The following SYN3 variants were observed in gnomAD, a reference collection of about 807,000 sequenced individuals.
The protein encoded by SYN3 is synapsin III.
In SYN3, 35 loss-of-function variants were observed where a neutral mutation model predicts 65.8. The ratio of observed to expected loss-of-function variants is 0.53; its 90% CI spans 0.41 to 0.70. The LOEUF is 0.70. Ranked by LOEUF, SYN3 falls within the 30% of genes least tolerant of loss-of-function variation. SYN3 has a pLI of 0.00. For missense variants in SYN3, 680 were observed against 749.0 expected (o/e 0.91, Z 1.08); for synonymous variants, 270 against 292.9 (o/e 0.92, Z 0.80).
At chr22:32,707,343 T>C (rs1451183473) in intron 6 of SYN3, among the ~76,000 whole-genome samples, 2 of 152,180 alleles carry the variant, frequency 1.3e-5, no homozygotes, top group Non-Finnish European at 2.9e-5. Flanking sequence ...CCAGGCCATA[T>C]GGAGGAAACG....
chr22:33,041,360 G>C (rs113859895), intron 1 of SYN3, among the ~76,000 whole-genome samples: 20 of 148,552 alleles, frequency 1.3e-4, no homozygotes, highest in African/African-American at 5.0e-4. Context: ...GCGCGATCTC[G>C]GCTCACTGCA....
chr22:32,962,135 T>C (rs1377589698), intron 3 of SYN3, among the ~76,000 whole-genome samples: 53 of 95,650 alleles, frequency 5.5e-4, no homozygotes, highest in African/African-American at 2.5e-3. Context: ...ATCTCTTTTT[T>C]TTTTTTTTTT....
intron 4 of SYN3, among the ~76,000 whole-genome samples, chr22:32,919,878 G>A (rs962952298): frequency 6.6e-6 from 1 of 152,112 alleles, no homozygotes; most frequent in Non-Finnish European, 1.5e-5. Context: ...TCTGTAAAAT[G>A]GGGACACATA....
At chr22:32,645,057 C>T (rs1038361044) in intron 6 of SYN3, among the ~76,000 whole-genome samples, 2 of 152,102 alleles carry the variant, frequency 1.3e-5, no homozygotes, top group Non-Finnish European at 2.9e-5. Flanking sequence ...GAGAAAACAC[C>T]AGAGGGGAGA....
intron 6 of SYN3, among the ~76,000 whole-genome samples, chr22:32,822,541 T>G (rs1435359036): frequency 6.6e-6 from 1 of 152,252 alleles, no homozygotes; most frequent in South Asian, 2.1e-4. Context: ...GCAATCTTAC[T>G]TCTAGAAATT....
At position 32,685,881 on chromosome 22, in the gene SYN3, A is replaced by G. The variant is rs939638323; in HGVS notation, c.712-89145T>C. On this transcript the variant is annotated intron_variant, in intron 6 of 13. Transcript: ENST00000358763. ...GGAATAATTGCTTAAATTATTCAGC[A>G]AATTATATAGTCTTTCCAAATTATG... is the stretch of plus-strand genomic sequence containing the variant. 1.5e-3 allele frequency among the ~76,000 whole-genome samples: 224 copies of G among 152,350 alleles called. 1 individual carries two copies. The highest frequency in any genetic ancestry group is 5.1e-3 in the African/African-American group (211 of 41,572).
intron 3 of SYN3, among the ~76,000 whole-genome samples, chr22:32,977,157 G>C (rs1416719087): frequency 6.6e-6 from 1 of 152,128 alleles, no homozygotes; most frequent in East Asian, 1.9e-4. Flanking sequence ...TTTCATAGAG[G>C]GGCAGGTTGG....
At chr22:32,735,503 ATTTGTTTGTTTGTTTTGTTT>A (rs1299793608) in intron 6 of SYN3, among the ~76,000 whole-genome samples, 1 of 151,630 alleles carries the variant, frequency 6.6e-6, no homozygotes, top group Non-Finnish European at 1.5e-5. Flanking sequence ...TCATTCCTGT[ATTTGTTTGTTTGTTTTGTTT>A]TTTGTTTGTT....
chr22:32,848,255 C>A (rs995349964), intron 6 of SYN3, among the ~76,000 whole-genome samples: 1 of 152,242 alleles, frequency 6.6e-6, no homozygotes, highest in African/African-American at 2.4e-5. Flanking sequence ...CTTTTGTATT[C>A]ATAGTTAACT....
chr22:33,006,315 C>T lies in SYN3; in HGVS notation c.311+37G>A, dbSNP rs769756368. On this transcript the variant is annotated intron_variant, in intron 2 of 13. Coordinates refer to ENST00000358763, the MANE Select transcript of SYN3 (RefSeq NM_003490.4). ...TGAGATAATCCCCACTCCTCTCTTGCCCCAGAAGGTGGTAGCACTTGCAAA... is the reference window on the plus strand; with the variant it reads ...TGAGATAATCCCCACTCCTCTCTTGTCCCAGAAGGTGGTAGCACTTGCAAA... The T allele has an allele frequency of 5.8e-6, 9 of 1,555,866 alleles. No individual in the cohort carries two copies. In the Admixed American group the frequency reaches 1.3e-4, roughly 23 times the overall value.
chr22:32,569,565 CTCTCTCTATATATATA>C (rs1311728090), intron 7 of SYN3, among the ~76,000 whole-genome samples: 20 of 56,382 alleles, frequency 3.5e-4, no homozygotes, highest in African/African-American at 1.0e-3. Context: ...CTCTCTCTCT[CTCTCTCTATATATATA>C]TATATATAAA....
chr22:32,541,652 G>A lies in SYN3; in HGVS notation c.836C>T (p.Thr279Ile), dbSNP rs765735742. 12 of 1,614,002 alleles carry A rather than the reference G, an allele frequency of 7.4e-6. No individual in the cohort carries two copies. The South Asian group carries it at 1.2e-4, about 16-fold the overall frequency. The change falls in exon 8 of 14, where the codon ACC (threonine) becomes ATC (isoleucine). Residue 279 changes from threonine to isoleucine, a missense_variant. Physicochemically the swap from Thr to Ile is moderately conservative, Grantham distance 89 (BLOSUM62 -1). Transcript: ENST00000358763. ...DITSVVAMAKTYATTEAFIDS... is the reference protein window; with the variant it reads ...DITSVVAMAKIYATTEAFIDS... Reference sequence around the variant, plus strand: ...GATGAAGGCCTCGGTGGTGGCGTAGGTTTTGGCCATGGCGACCACGCTGGT... The same window carrying A: ...GATGAAGGCCTCGGTGGTGGCGTAGATTTTGGCCATGGCGACCACGCTGGT...
intron 6 of SYN3, among the ~76,000 whole-genome samples, chr22:32,793,691 C>T (rs1471916762): frequency 6.6e-6 from 1 of 152,192 alleles, no homozygotes; most frequent in Non-Finnish European, 1.5e-5. Context: ...TTGATCATCA[C>T]ACTATGACAC....
intron 6 of SYN3, among the ~76,000 whole-genome samples, chr22:32,803,316 C>G (rs899378503): frequency 4.0e-5 from 6 of 151,590 alleles, no homozygotes; most frequent in Non-Finnish European, 7.4e-5. Flanking sequence ...ACTCTACCAG[C>G]GTGTTGTGGT....
At chr22:32,515,376 A>T (rs2057754295) in intron 13 of SYN3, among the ~76,000 whole-genome samples, 1 of 152,158 alleles carries the variant, frequency 6.6e-6, no homozygotes, top group African/African-American at 2.4e-5. Context: ...TCCTTATAAT[A>T]ACCCTGTGCG....
At chr22:32,700,464 G>A (rs189661448) in intron 6 of SYN3, among the ~76,000 whole-genome samples, 265 of 152,212 alleles carry the variant, frequency 1.7e-3, no homozygotes, top group Non-Finnish European at 3.0e-3. Context: ...TGAAAAGTCT[G>A]CCTGGACTAG....
chr22:32,973,866 G>A (rs1646829467), intron 3 of SYN3, among the ~76,000 whole-genome samples: 1 of 152,220 alleles, frequency 6.6e-6, no homozygotes, highest in African/African-American at 2.4e-5. Flanking sequence ...TTCGCCCACT[G>A]CAACCTCTGC....
At chr22:32,751,983 C>T (rs2045140823) in intron 6 of SYN3, among the ~76,000 whole-genome samples, 1 of 152,190 alleles carries the variant, frequency 6.6e-6, no homozygotes, top group South Asian at 2.1e-4. Flanking sequence ...ACTACATATT[C>T]TCTAGGTTGT....
intron 6 of SYN3, among the ~76,000 whole-genome samples, chr22:32,827,654 A>G (rs539632369): frequency 1.0e-3 from 158 of 152,296 alleles, no homozygotes; most frequent in African/African-American, 3.7e-3. Context: ...AGTGAACTTT[A>G]AAAAATGTCA....
Sources: gnomAD v4.1 joint callset for allele counts (sites outside exome capture counted in the v4.1 genomes callset) on GRCh38, gnomAD v4.1.1 for gene constraint, MANE v1.5 for transcripts, NCBI Gene and HGNC (gene_info 2026-07-23, HGNC 2026-07-21) for gene names.